NMNAT1: variants seen among roughly 807,000 people sequenced by gnomAD.
NMNAT1 encodes nicotinamide/nicotinic acid mononucleotide adenylyltransferase 1.
In NMNAT1, 11 loss-of-function variants were observed where a neutral mutation model predicts 16.7. The ratio of observed to expected loss-of-function variants is 0.66; its 90% confidence interval spans 0.41 to 1.09. The LOEUF (loss-of-function observed/expected upper bound fraction) is 1.09. NMNAT1 is among the 50% of genes least tolerant of loss of function. The probability of loss-of-function intolerance (pLI) is 0.00; values close to 1 mark genes in which losing one functional copy is unlikely to be tolerated. For missense variants in NMNAT1, 280 were observed against 332.3 expected (o/e 0.84, Z 1.22); for synonymous variants, 110 against 119.8 (o/e 0.92, Z 0.53).
At chr1:9,961,418 C>A (rs941550034) in intron 1 of NMNAT1, among the ~76,000 whole-genome samples, 1 of 152,154 alleles carries the variant, frequency 6.6e-6, no homozygotes, top group African/African-American at 2.4e-5. Flanking sequence ...AGCCCCTCCA[C>A]CAGTCTTTGA....
chr1:9,972,211 G>A, intron 2 of NMNAT1, 23 bp downstream of exon 2: 1 of 1,368,940 alleles, frequency 7.3e-7, no homozygotes, highest in Non-Finnish European at 1.0e-6. Flanking sequence ...ACCAAAAGTG[G>A]CTTAAGACTA....
chr1:9,988,004 G>T (rs1642066033), downstream of NMNAT1, among the ~76,000 whole-genome samples: 1 of 151,896 alleles, frequency 6.6e-6, no homozygotes, highest in African/African-American at 2.4e-5. Context: ...TTTAGTTGTT[G>T]TTGTTTTTTT....
chr1:9,963,763 A>G (rs1055684081), intron 1 of NMNAT1, among the ~76,000 whole-genome samples: 1 of 152,126 alleles, frequency 6.6e-6, no homozygotes, highest in African/African-American at 2.4e-5. Flanking sequence ...AAACCTAAAT[A>G]TCCAAAGGTC....
At chr1:9,995,568 C>A in the NMNAT1 span, among the ~76,000 whole-genome samples, 1 of 152,052 alleles carries the variant, frequency 6.6e-6, no homozygotes, top group Admixed American at 6.6e-5. Context: ...GTGGCAGGTA[C>A]CTGTAATCCC....
the NMNAT1 span, among the ~76,000 whole-genome samples, chr1:9,991,978 T>A: frequency 6.6e-6 from 1 of 151,786 alleles, no homozygotes; most frequent in East Asian, 1.9e-4. Flanking sequence ...GGCAGGAGAA[T>A]TTCTTAAACC....
chr1:9,958,864 A>G (rs1405119035), intron 1 of NMNAT1, among the ~76,000 whole-genome samples: 3 of 152,212 alleles, frequency 2.0e-5, no homozygotes, highest in African/African-American at 7.2e-5. Context: ...AAATGTGTCA[A>G]ACATTTTACA....
At chr1:9,972,453 T>G in intron 2 of NMNAT1, 1 of 236,092 alleles carries the variant, frequency 4.2e-6, no homozygotes, top group Non-Finnish European at 8.2e-6. Flanking sequence ...CTGAGATTGC[T>G]GCACTGCACT....
intron 1 of NMNAT1, among the ~76,000 whole-genome samples, chr1:9,949,079 G>C (rs1056441341): frequency 8.6e-5 from 13 of 151,204 alleles, no homozygotes; most frequent in African/African-American, 3.2e-4. Context: ...AGAGCAGCCT[G>C]ACCAACATAG....
At chr1:9,972,752 G>A (rs1040385216) in intron 2 of NMNAT1, among the ~76,000 whole-genome samples, 1 of 152,264 alleles carries the variant, frequency 6.6e-6, no homozygotes, top group African/African-American at 2.4e-5. Context: ...GAGGCCAGGA[G>A]TTTGAGACCA....
chr1:9,964,763 C>T (rs186095338), intron 1 of NMNAT1, among the ~76,000 whole-genome samples: 2 of 149,494 alleles, frequency 1.3e-5, no homozygotes, highest in South Asian at 2.1e-4. Context: ...CCTGGGCTAA[C>T]ACGGTGAAAC....
intron 1 of NMNAT1, among the ~76,000 whole-genome samples, chr1:9,969,929 A>G (rs959055106): frequency 7.2e-5 from 11 of 152,198 alleles, no homozygotes; most frequent in Non-Finnish European, 1.6e-4. Context: ...ACTAGAGGAC[A>G]GCACTGTGAA....
At chr1:9,991,074 T>TA in the NMNAT1 span, among the ~76,000 whole-genome samples, 1 of 152,264 alleles carries the variant, frequency 6.6e-6, no homozygotes, top group South Asian at 2.1e-4. Flanking sequence ...GTTAAAACTA[T>TA]TATTAGTTTT....
At chr1:9,995,204 C>T in the NMNAT1 span, among the ~76,000 whole-genome samples, 7 of 152,068 alleles carry the variant, frequency 4.6e-5, no homozygotes, top group East Asian at 5.8e-4. Context: ...TGAGACCAAC[C>T]GCCGGCAACA....
At chr1:9,981,766 A>C (rs1173832625) in intron 4 of NMNAT1, 1 of 153,300 alleles carries the variant, frequency 6.5e-6, no homozygotes. Context: ...CTTGGAGCTT[A>C]TTTCTCCTGC....
rs773487930 is a variant in NMNAT1, at chr1:9,982,737, G to T, written c.*36G>T. On this transcript the variant is annotated 3_prime_UTR_variant, in exon 5 of 5. Transcript: ENST00000377205. The stretch of plus-strand genomic sequence containing the variant: ...GCATGATATTTCAGACTTCCCATTT[G>T]GGGATCTGAAACAATCTGGGAGTTA... 1.3e-6 allele frequency: 2 copies of T among 1,547,574 alleles called. No homozygotes were observed. Among genetic ancestry groups the T allele is most frequent in the Non-Finnish European group, 1.7e-6 (2 of 1,147,016 alleles).
the NMNAT1 span, among the ~76,000 whole-genome samples, chr1:9,991,309 C>A: frequency 6.6e-6 from 1 of 151,950 alleles, no homozygotes; most frequent in Non-Finnish European, 1.5e-5. Flanking sequence ...CCTCAGCCTC[C>A]CCAGTAGCTG....
chr1:9,964,976 A>G (rs1048731872), intron 1 of NMNAT1, among the ~76,000 whole-genome samples: 1 of 149,840 alleles, frequency 6.7e-6, no homozygotes, highest in Non-Finnish European at 1.5e-5. Context: ...AAAATTCCCC[A>G]AAGTTTTGAA....
chr1:9,971,423 C>T (rs1050020807), intron 1 of NMNAT1, among the ~76,000 whole-genome samples: 1 of 152,130 alleles, frequency 6.6e-6, no homozygotes, highest in Non-Finnish European at 1.5e-5. Context: ...AAGTGATTCT[C>T]CTGCCTCAGC....
chr1:9,951,638 CTAATTTTTG>C (rs1163861194), intron 1 of NMNAT1, among the ~76,000 whole-genome samples: 35 of 152,218 alleles, frequency 2.3e-4, no homozygotes, highest in African/African-American at 8.4e-4. Flanking sequence ...CCAGGTCCAG[CTAATTTTTG>C]TAATTTTTGT....
Sources: gnomAD v4.1 joint callset for allele counts (sites outside exome capture counted in the v4.1 genomes callset) on GRCh38, gnomAD v4.1.1 for gene constraint, MANE v1.5 for transcripts, NCBI Gene and HGNC (gene_info 2026-07-23, HGNC 2026-07-21) for gene names.